Variants in LRP1B observed in about 807,000 individuals in gnomAD.
LRP1B encodes the protein low-density lipoprotein receptor-related protein 1B.
Under a neutral mutation model 556.6 loss-of-function variants are expected in LRP1B, and 217 were observed. The observed-to-expected ratio is 0.39, with a 90% CI of 0.35 to 0.44. The LOEUF is 0.44. Ranked by LOEUF, LRP1B falls within the 20% of genes least tolerant of loss-of-function variation. LRP1B has a pLI of 1.00. For missense variants in LRP1B, 5,053 were observed against 5,620.8 expected (o/e 0.90, Z 3.23); for synonymous variants, 2,047 against 1,865.8 (o/e 1.10, Z -2.50).
Position 140,748,827 on chromosome 2 carries a change from T to TGATATATATTATATA in LRP1B, c.5758+20385_5758+20386insTATATAATATATATC, listed in dbSNP as rs369730510. Among the ~76,000 whole-genome samples the TGATATATATTATATA allele has an allele frequency of 3.6e-4, 29 of 80,008 alleles. 1 individual carries two copies. Among genetic ancestry groups the TGATATATATTATATA allele is most frequent in the Admixed American group, 5.2e-4 (4 of 7,688 alleles). 52.5% of individuals were successfully genotyped at this position (80,008 alleles called of 152,430 possible). ...ATTATATACATGTATATAATATATA[T>TGATATATATTATATA]CATATATTATATACATGTATATAAT... On this transcript the variant is annotated intron_variant, in intron 35 of 90. Coordinates refer to ENST00000389484, the MANE Select transcript of LRP1B (RefSeq NM_018557.3).
intron 32 of LRP1B, among the ~76,000 whole-genome samples, chr2:140,791,417 A>G (rs1341104365): frequency 6.6e-6 from 1 of 152,126 alleles, no homozygotes; most frequent in African/African-American, 2.4e-5. Flanking sequence ...TGACAGAGTG[A>G]GACCCTGTCT....
intron 66 of LRP1B, among the ~76,000 whole-genome samples, chr2:140,395,719 A>T (rs2105218344): frequency 6.6e-6 from 1 of 152,362 alleles, no homozygotes; most frequent in Non-Finnish European, 1.5e-5. Flanking sequence ...GTGAATCTAT[A>T]ATAAGCTAGC....
chr2:140,957,259 G>A (rs1394091946), intron 18 of LRP1B, among the ~76,000 whole-genome samples: 2 of 151,648 alleles, frequency 1.3e-5, no homozygotes, highest in Non-Finnish European at 3.0e-5. Context: ...ATGAACAAGA[G>A]GAGAAGGAGT....
At chr2:140,262,722 C>T (rs1157737818) in intron 86 of LRP1B, among the ~76,000 whole-genome samples, 1 of 151,966 alleles carries the variant, frequency 6.6e-6, no homozygotes, top group Non-Finnish European at 1.5e-5. Context: ...GGGGGGAGTC[C>T]CTGACCTCCT....
chr2:141,741,883 G>T (rs1693721946), intron 2 of LRP1B, among the ~76,000 whole-genome samples: 1 of 152,090 alleles, frequency 6.6e-6, no homozygotes, highest in Admixed American at 6.6e-5. Context: ...AATATCCTGG[G>T]GAGTTTCTCC....
chr2:141,683,268 T>C (rs1037372089), intron 2 of LRP1B, among the ~76,000 whole-genome samples: 1 of 152,124 alleles, frequency 6.6e-6, no homozygotes, highest in African/African-American at 2.4e-5. Context: ...TCCATTTCTT[T>C]GAACAGGCTG....
intron 1 of LRP1B, among the ~76,000 whole-genome samples, chr2:141,894,279 T>G (rs941159609): frequency 2.0e-5 from 3 of 152,062 alleles, no homozygotes; most frequent in African/African-American, 7.2e-5. Context: ...AAAAAATACA[T>G]ACAAGAATTG....
chr2:141,498,022 C>T (rs1033034069), intron 2 of LRP1B, among the ~76,000 whole-genome samples: 2 of 152,006 alleles, frequency 1.3e-5, no homozygotes, highest in Middle Eastern at 3.4e-3. Context: ...TTCAAAAGTA[C>T]ATCTCTAAAT....
intron 23 of LRP1B, among the ~76,000 whole-genome samples, chr2:140,896,026 C>T (rs12469352): frequency 0.43 from 65,481 of 151,868 alleles, 16,015 homozygotes; most frequent in Middle Eastern, 0.57. Flanking sequence ...CTTTGGGCCA[C>T]GGGTCCAAGC....
At chr2:141,498,208 A>T (rs1376762966) in intron 2 of LRP1B, among the ~76,000 whole-genome samples, 1 of 151,996 alleles carries the variant, frequency 6.6e-6, no homozygotes, top group Non-Finnish European at 1.5e-5. Flanking sequence ...GTGGAGTAAT[A>T]CACATTTTTA....
intron 3 of LRP1B, among the ~76,000 whole-genome samples, chr2:141,316,629 A>G (rs1476432785): frequency 6.6e-6 from 1 of 152,202 alleles, no homozygotes; most frequent in Non-Finnish European, 1.5e-5. Flanking sequence ...AGTGCCACAT[A>G]TATGTCAAAA....
At chr2:140,817,248 T>G (rs1230650423) in intron 31 of LRP1B, among the ~76,000 whole-genome samples, 1 of 152,088 alleles carries the variant, frequency 6.6e-6, no homozygotes, top group Non-Finnish European at 1.5e-5. Flanking sequence ...AAGACATATT[T>G]AACTAATTTT....
At chr2:141,770,080 G>A (rs1043755997) in intron 2 of LRP1B, among the ~76,000 whole-genome samples, 1 of 152,034 alleles carries the variant, frequency 6.6e-6, no homozygotes, top group East Asian at 1.9e-4. Context: ...ACATCATACT[G>A]ATTCAATTGA....
intron 41 of LRP1B, among the ~76,000 whole-genome samples, chr2:140,647,822 C>T (rs935604420): frequency 6.6e-6 from 1 of 152,122 alleles, no homozygotes; most frequent in African/African-American, 2.4e-5. Context: ...GAAATAGGAA[C>T]ACTTTTACAC....
chr2:140,855,591 G>C lies in LRP1B; in HGVS notation c.4580-3808C>G, dbSNP rs149716800. On this transcript the variant is annotated intron_variant, in intron 27 of 90. Coordinates refer to ENST00000389484, the MANE Select transcript of LRP1B (RefSeq NM_018557.3). ...TTTCCCCCAAGAATCCTCAGCACTA[G>C]TCAGACTGGTTTCCCTGCTACTACC... Among the ~76,000 whole-genome samples, 157 of 151,040 alleles carry C rather than the reference G, an allele frequency of 1.0e-3. 1 individual carries two copies. Among genetic ancestry groups the C allele is most frequent in the African/African-American group, 3.5e-3 (143 of 41,162 alleles).
At chr2:141,464,604 A>ATTTTTTTTTTTTTT (rs1415837703) in intron 3 of LRP1B, among the ~76,000 whole-genome samples, 2 of 72,796 alleles carry the variant, frequency 2.7e-5, no homozygotes, top group African/African-American at 1.1e-4. Context: ...ATATATATAT[A>ATTTTTTTTTTTTTT]TATTTTTTTA....
chr2:141,739,448 A>G (rs72985382), intron 2 of LRP1B, among the ~76,000 whole-genome samples: 16,665 of 152,084 alleles, frequency 0.11, 1,594 homozygotes, highest in African/African-American at 0.26. Flanking sequence ...ACACCTGGAT[A>G]TTGTTTTGTA....
At chr2:142,099,177 A>G (rs187555414) in intron 1 of LRP1B, among the ~76,000 whole-genome samples, 1 of 151,878 alleles carries the variant, frequency 6.6e-6, no homozygotes, top group Non-Finnish European at 1.5e-5. Flanking sequence ...GGGAAAACTC[A>G]TTATTCAACA....
intron 2 of LRP1B, among the ~76,000 whole-genome samples, chr2:141,559,277 A>G (rs532384469): frequency 7.2e-5 from 11 of 151,854 alleles, no homozygotes; most frequent in African/African-American, 2.7e-4. Context: ...GAAAAATACT[A>G]GTTCTATCAA....
Sources: allele counts gnomAD v4.1 joint callset (sites outside exome capture counted in the v4.1 genomes callset), GRCh38; gene constraint gnomAD v4.1.1; transcripts MANE v1.5; gene names NCBI Gene and HGNC (gene_info 2026-07-23, HGNC 2026-07-21).